The following EML1 variants were observed in gnomAD, a reference collection of about 807,000 sequenced individuals.
EML1 encodes echinoderm microtubule-associated protein-like 1.
Under a neutral mutation model 110.4 loss-of-function variants are expected in EML1, and 27 were observed. The observed-to-expected ratio is 0.24, with a 90% CI of 0.18 to 0.34. The LOEUF (loss-of-function observed/expected upper bound fraction) is 0.34, where lower values mean the gene tolerates loss of function less well. Ranked by LOEUF, EML1 falls within the 10% of genes least tolerant of loss-of-function variation. The probability of loss-of-function intolerance (pLI) is 1.00; values close to 1 mark genes in which losing one functional copy is unlikely to be tolerated. For synonymous variants in EML1, 344 were observed against 385.8 expected, an observed-to-expected ratio of 0.89 and a Z score of 1.27; for missense variants, 741 against 1,030.9, an observed-to-expected ratio of 0.72 and a Z score of 3.85.
At chr14:99,823,319 G>C (rs1270298180) in intron 1 of EML1, among the ~76,000 whole-genome samples, 1 of 151,924 alleles carries the variant, frequency 6.6e-6, no homozygotes, top group Non-Finnish European at 1.5e-5. Context: ...TGTCGGCCTT[G>C]CCCTGGCCGC....
intron 4 of EML1, among the ~76,000 whole-genome samples, chr14:99,883,920 G>A (rs1005517269): frequency 6.6e-6 from 1 of 152,244 alleles, no homozygotes; most frequent in South Asian, 2.1e-4. Flanking sequence ...ACAAGCATTA[G>A]TCGAATGAAT....
chr14:99,880,021 T>C (rs2139941572), intron 4 of EML1, among the ~76,000 whole-genome samples: 1 of 152,300 alleles, frequency 6.6e-6, no homozygotes, highest in Admixed American at 6.5e-5. Flanking sequence ...AATATTTCCA[T>C]AGAAGATATT....
intron 1 of EML1, among the ~76,000 whole-genome samples, chr14:99,808,040 A>G (rs926073815): frequency 6.6e-6 from 1 of 152,102 alleles, no homozygotes; most frequent in African/African-American, 2.4e-5. Flanking sequence ...CCTACAGACT[A>G]TCCCTGGGGT....
At chr14:99,867,344 T>G (rs1003058379) in intron 3 of EML1, among the ~76,000 whole-genome samples, 1 of 152,200 alleles carries the variant, frequency 6.6e-6, no homozygotes, top group African/African-American at 2.4e-5. Flanking sequence ...TTTAGGATAG[T>G]TTTTTTCTAT....
At position 99,836,626 on chromosome 14, in the gene EML1, T is replaced by C. The variant is rs542249896; in HGVS notation, c.68-14227T>C. ...CCTATTGTCTGTGTTATTTCTGGGT[T>C]AGTTTTGCTTGGTTGATTCTTTTAT... On this transcript the variant is annotated intron_variant, in intron 1 of 21. Transcript: ENST00000262233. Among the ~76,000 whole-genome samples, 11 of 152,360 alleles carry C rather than the reference T, an allele frequency of 7.2e-5. No homozygotes were observed. The East Asian group carries it at 2.1e-3, about 29-fold the overall frequency.
chr14:99,796,231 A>AGAGG (rs1555390366), intron 1 of EML1, among the ~76,000 whole-genome samples: 1 of 145,312 alleles, frequency 6.9e-6, no homozygotes. Flanking sequence ...AGAGAGAGAG[A>AGAGG]AGATAATGTG....
chr14:99,740,686 G>C (rs1310359605), intron 1 of EML1, among the ~76,000 whole-genome samples: 1 of 152,284 alleles, frequency 6.6e-6, no homozygotes, highest in Non-Finnish European at 1.5e-5. Context: ...ACAGTTGCCT[G>C]CATTCTAGGC....
intron 4 of EML1, among the ~76,000 whole-genome samples, chr14:99,886,724 G>A (rs1191830192): frequency 1.3e-5 from 2 of 152,296 alleles, no homozygotes; most frequent in East Asian, 3.9e-4. Context: ...TGGCCCCAGA[G>A]CCCCCTTTCA....
chr14:99,871,146 A>G (rs1566909054), intron 3 of EML1, among the ~76,000 whole-genome samples: 2 of 152,076 alleles, frequency 1.3e-5, no homozygotes, highest in South Asian at 2.1e-4. Flanking sequence ...TTTAGTAGAG[A>G]CAGGGTTTTG....
intron 9 of EML1, among the ~76,000 whole-genome samples, chr14:99,903,784 C>CT (rs202121563): frequency 0.012 from 1,766 of 141,628 alleles, 66 homozygotes; most frequent in African/African-American, 0.042. Flanking sequence ...TAAATCTATT[C>CT]ATTTTTTTTT....
chr14:99,925,019 T>C (rs940815172), intron 17 of EML1, among the ~76,000 whole-genome samples: 11 of 152,292 alleles, frequency 7.2e-5, no homozygotes, highest in South Asian at 2.1e-4. Flanking sequence ...CTAACAGATA[T>C]TGGTGTATAG....
chr14:99,798,376 T>C (rs1468672145), intron 1 of EML1, among the ~76,000 whole-genome samples: 1 of 151,106 alleles, frequency 6.6e-6, no homozygotes, highest in African/African-American at 2.4e-5. Flanking sequence ...TCACCTCCCT[T>C]ATTCCAAAGT....
chr14:99,855,013 G>C (rs957279523), intron 2 of EML1, among the ~76,000 whole-genome samples: 2 of 152,140 alleles, frequency 1.3e-5, no homozygotes, highest in African/African-American at 4.8e-5. Flanking sequence ...GAAACAATAA[G>C]GGAGCAGCAA....
At chr14:99,850,230 C>T (rs1252591247) in intron 1 of EML1, 3 of 1,224,146 alleles carry the variant, frequency 2.5e-6, no homozygotes, top group South Asian at 1.3e-5. Context: ...GGTTGGAGCA[C>T]AGTAAGTGAA....
intron 4 of EML1, among the ~76,000 whole-genome samples, chr14:99,882,062 A>ATTT: frequency 6.6e-6 from 1 of 152,342 alleles, no homozygotes; most frequent in Non-Finnish European, 1.5e-5. Context: ...TTTTAACAGC[A>ATTT]TTTAATCTTT....
intron 1 of EML1, among the ~76,000 whole-genome samples, chr14:99,764,585 G>A (rs2057348580): frequency 6.6e-6 from 1 of 152,264 alleles, no homozygotes; most frequent in Non-Finnish European, 1.5e-5. Context: ...GGAGCATGCA[G>A]GTTGGCGAAC....
At chr14:99,770,402 T>C (rs1352829610), upstream of EML1, among the ~76,000 whole-genome samples, 3 of 151,844 alleles carry the variant, frequency 2.0e-5, no homozygotes, top group Admixed American at 6.6e-5. Flanking sequence ...TATCTATCTA[T>C]CTATCTTTTT....
chr14:99,858,100 T>C (rs972466433), intron 2 of EML1, among the ~76,000 whole-genome samples: 1 of 152,118 alleles, frequency 6.6e-6, no homozygotes, highest in South Asian at 2.1e-4. Context: ...AGTAGCATGC[T>C]CTCTTGTTCT....
chr14:99,914,797 C>T, intron 15 of EML1, 100 bp downstream of exon 15: 1 of 1,432,934 alleles, frequency 7.0e-7, no homozygotes, highest in South Asian at 1.3e-5. Flanking sequence ...AAAGTTGTCC[C>T]AAAGCAAATG....
Sources: gnomAD v4.1 joint callset for allele counts (sites outside exome capture counted in the v4.1 genomes callset) on GRCh38, gnomAD v4.1.1 for gene constraint, MANE v1.5 for transcripts, NCBI Gene and HGNC (gene_info 2026-07-23, HGNC 2026-07-21) for gene names.